The following MTUS2 variants were observed in gnomAD, a reference collection of about 807,000 sequenced individuals.
MTUS2 encodes microtubule associated scaffold protein 2, also known as microtubule-associated tumor suppressor candidate 2.
In MTUS2, 40 loss-of-function variants were observed where a neutral mutation model predicts 114.1. The observed-to-expected ratio is 0.35, with a 90% CI of 0.27 to 0.46. MTUS2 has a LOEUF of 0.46. Ranked by LOEUF, MTUS2 falls within the 20% of genes least tolerant of loss-of-function variation. The pLI is 1.00. For synonymous variants in MTUS2, 688 were observed against 672.0 expected (o/e 1.02, Z -0.37); for missense variants, 1,679 against 1,705.4 (o/e 0.98, Z 0.27).
intron 5 of MTUS2, among the ~76,000 whole-genome samples, chr13:29,214,449 A>G (rs1159940559): frequency 6.6e-6 from 1 of 152,100 alleles, no homozygotes; most frequent in Non-Finnish European, 1.5e-5. Context: ...GTTTCTTCAT[A>G]ATGTCGTTGG....
chr13:29,492,158 GTGGTGT>G (rs1239553795), intron 11 of MTUS2, among the ~76,000 whole-genome samples: 2 of 40,596 alleles, frequency 4.9e-5, no homozygotes, highest in Non-Finnish European at 8.6e-5. Context: ...GTATGTGTGT[GTGGTGT>G]GTATGTGATG....
chr13:29,360,824 TG>T (rs967485205), intron 8 of MTUS2, among the ~76,000 whole-genome samples: 3 of 152,026 alleles, frequency 2.0e-5, no homozygotes, highest in African/African-American at 7.2e-5. Context: ...ACTGTCAAGT[TG>T]TACCTAAAGA....
At chr13:29,155,737 AATT>A in intron 5 of MTUS2, among the ~76,000 whole-genome samples, 1 of 152,294 alleles carries the variant, frequency 6.6e-6, no homozygotes, top group African/African-American at 2.4e-5. Flanking sequence ...GCAGAAGTTG[AATT>A]ATATTACACT....
At chr13:29,114,454 G>A (rs1048006013) in intron 5 of MTUS2, among the ~76,000 whole-genome samples, 1 of 152,194 alleles carries the variant, frequency 6.6e-6, no homozygotes, top group Non-Finnish European at 1.5e-5. Context: ...CAGAGCAGAT[G>A]TAATTTGACA....
chr13:28,998,186 A>C (rs977638939), intron 2 of MTUS2, among the ~76,000 whole-genome samples: 11 of 152,014 alleles, frequency 7.2e-5, no homozygotes, highest in African/African-American at 1.2e-4. Context: ...CTGGGTTGAA[A>C]ATTCTTTTCT....
intron 2 of MTUS2, among the ~76,000 whole-genome samples, chr13:28,876,272 C>T (rs1299951059): frequency 1.3e-5 from 2 of 152,148 alleles, no homozygotes; most frequent in East Asian, 3.9e-4. Flanking sequence ...ATTAGAGATT[C>T]TGAAGCAAAG....
intron 5 of MTUS2, among the ~76,000 whole-genome samples, chr13:29,214,695 T>A (rs1193736015): frequency 6.6e-6 from 1 of 152,240 alleles, no homozygotes; most frequent in Admixed American, 6.5e-5. Context: ...GCCACCACTT[T>A]CTTCTGGCTT....
At chr13:28,908,305 C>T (rs892841416) in intron 2 of MTUS2, among the ~76,000 whole-genome samples, 3 of 151,440 alleles carry the variant, frequency 2.0e-5, no homozygotes, top group Admixed American at 2.0e-4. Context: ...CCCAACCCCA[C>T]AACAGGCCCC....
intron 6 of MTUS2, among the ~76,000 whole-genome samples, chr13:29,290,232 C>T (rs552969304): frequency 2.4e-4 from 36 of 152,172 alleles, no homozygotes; most frequent in Non-Finnish European, 3.7e-4. Flanking sequence ...TAGCTCTTTC[C>T]TAGGTCATGT....
At chr13:28,885,875 A>G (rs1313820818) in intron 2 of MTUS2, among the ~76,000 whole-genome samples, 3 of 152,236 alleles carry the variant, frequency 2.0e-5, no homozygotes, top group Non-Finnish European at 2.9e-5. Context: ...GATAAGGTCT[A>G]TTGGAAAACC....
intron 5 of MTUS2, among the ~76,000 whole-genome samples, chr13:29,180,690 G>T (rs1893962430): frequency 6.6e-6 from 1 of 152,074 alleles, no homozygotes; most frequent in Non-Finnish European, 1.5e-5. Flanking sequence ...CTATAAACTG[G>T]CTTCACTTGA....
chr13:28,852,931 A>ACATACATG (rs4002284), intron 2 of MTUS2, among the ~76,000 whole-genome samples: 1 of 147,626 alleles, frequency 6.8e-6, no homozygotes, highest in African/African-American at 2.5e-5. Context: ...ATACATACAT[A>ACATACATG]GCGAGCCTCT....
chr13:29,212,429 A>G (rs1408962279), intron 5 of MTUS2, among the ~76,000 whole-genome samples: 9 of 152,200 alleles, frequency 5.9e-5, no homozygotes, highest in Non-Finnish European at 1.3e-4. Context: ...AGTGTCCTAC[A>G]ATTTGATTCA....
intron 2 of MTUS2, among the ~76,000 whole-genome samples, chr13:28,967,541 A>G (rs926348758): frequency 2.0e-5 from 3 of 152,156 alleles, no homozygotes; most frequent in Admixed American, 6.5e-5. Context: ...TGTTATTGTC[A>G]TCATCATTGT....
At chr13:29,146,779 G>C (rs1892452145) in intron 5 of MTUS2, among the ~76,000 whole-genome samples, 1 of 152,186 alleles carries the variant, frequency 6.6e-6, no homozygotes, top group Non-Finnish European at 1.5e-5. Context: ...ACATAGACCT[G>C]AGTTAACTGG....
intron 2 of MTUS2, among the ~76,000 whole-genome samples, chr13:29,020,513 C>CGG (rs1002971209): frequency 9.9e-5 from 15 of 152,064 alleles, no homozygotes; most frequent in African/African-American, 3.6e-4. Context: ...GTGAGGGAGA[C>CGG]GCGTGAGGCC....
chr13:28,824,613 C>T (rs1230248482), intron 1 of MTUS2, among the ~76,000 whole-genome samples: 1 of 152,096 alleles, frequency 6.6e-6, no homozygotes, highest in Non-Finnish European at 1.5e-5. Context: ...CTCTTTCTCT[C>T]ACTGCAGTTG....
chr13:29,234,172 T>C (rs187675112), intron 5 of MTUS2, among the ~76,000 whole-genome samples: 40 of 152,238 alleles, frequency 2.6e-4, no homozygotes, highest in Admixed American at 2.5e-3. Flanking sequence ...CATAAACACA[T>C]AATAATTGAT....
At chr13:29,066,568 C>T (rs1315769807) in intron 4 of MTUS2, among the ~76,000 whole-genome samples, 2 of 152,198 alleles carry the variant, frequency 1.3e-5, no homozygotes, top group Non-Finnish European at 2.9e-5. Context: ...TTCACTACAA[C>T]TCTTTTTACA....
Sources: allele counts gnomAD v4.1 joint callset (sites outside exome capture counted in the v4.1 genomes callset), GRCh38; gene constraint gnomAD v4.1.1; transcripts MANE v1.5; gene names NCBI Gene and HGNC (gene_info 2026-07-23, HGNC 2026-07-21).